The following GULP1 variants were observed in gnomAD, a reference collection of about 807,000 sequenced individuals.
GULP1 encodes GULP PTB domain containing engulfment adaptor 1.
Under a neutral mutation model 40.9 loss-of-function variants are expected in GULP1, and 19 were observed. The ratio of observed to expected loss-of-function variants is 0.46; its 90% CI spans 0.32 to 0.68. The LOEUF is 0.68. Among genes scored for constraint, GULP1 ranks in the 30% least tolerant of loss-of-function variants. The pLI is 0.03. For missense variants in GULP1, 312 were observed against 362.2 expected, an observed-to-expected ratio of 0.86 and a Z score of 1.12; for synonymous variants, 119 against 117.6, an observed-to-expected ratio of 1.01 and a Z score of -0.08.
rs1022916274 is a variant in GULP1 at position 188,532,118 on chromosome 2, C to T, written c.261+2923C>T. ...GATAATATACTTTATGTATCATTTT[C>T]GTATGTTCTTGTTATTTTTTATTTG... On this transcript the variant is annotated intron_variant, in intron 6 of 11. Transcript: ENST00000409830. 1.1e-4 allele frequency among the ~76,000 whole-genome samples: 16 copies of T among 152,152 alleles called. No homozygotes were observed. The South Asian group carries it at 2.3e-3, about 22-fold the overall frequency.
chr2:188,563,831 A>G (rs927386456), intron 7 of GULP1, among the ~76,000 whole-genome samples: 8 of 152,124 alleles, frequency 5.3e-5, no homozygotes, highest in Non-Finnish European at 7.4e-5. Context: ...ACAAAAAATG[A>G]AAATTATGTT....
chr2:188,510,996 C>G (rs975352404), intron 4 of GULP1, among the ~76,000 whole-genome samples: 2 of 151,934 alleles, frequency 1.3e-5, no homozygotes, highest in Non-Finnish European at 2.9e-5. Context: ...ATTTTTATTT[C>G]TAAGCATAAA....
chr2:188,449,552 A>G (rs1026931749), intron 2 of GULP1, among the ~76,000 whole-genome samples: 1 of 152,208 alleles, frequency 6.6e-6, no homozygotes, highest in Non-Finnish European at 1.5e-5. Context: ...CAGGATACAG[A>G]TGGCATGAGC....
intron 1 of GULP1, among the ~76,000 whole-genome samples, chr2:188,347,436 A>G (rs766085503): frequency 5.3e-5 from 8 of 152,168 alleles, no homozygotes; most frequent in Non-Finnish European, 1.2e-4. Context: ...TAAAACTTCT[A>G]ATAAAAATAA....
intron 9 of GULP1, among the ~76,000 whole-genome samples, chr2:188,572,117 G>A (rs1042447611): frequency 6.6e-6 from 1 of 152,204 alleles, no homozygotes; most frequent in African/African-American, 2.4e-5. Flanking sequence ...TACTGAGTCA[G>A]CTTCAGAAAT....
chr2:188,404,259 C>A (rs897317989), intron 2 of GULP1, among the ~76,000 whole-genome samples: 8 of 152,260 alleles, frequency 5.3e-5, no homozygotes, highest in East Asian at 1.9e-4. Context: ...CTTGCTCCCC[C>A]ACTGAAATAA....
intron 1 of GULP1, among the ~76,000 whole-genome samples, chr2:188,324,980 T>A (rs1464085128): frequency 1.3e-5 from 2 of 151,910 alleles, no homozygotes; most frequent in African/African-American, 4.8e-5. Flanking sequence ...ACACAAGTAG[T>A]CTCATTATAG....
intron 5 of GULP1, among the ~76,000 whole-genome samples, chr2:188,525,707 G>C (rs1260833445): frequency 1.3e-5 from 2 of 152,168 alleles, no homozygotes; most frequent in African/African-American, 4.8e-5. Context: ...CCTCACTGCA[G>C]TACAACTAAA....
chr2:188,526,249 T>C (rs186606248), intron 5 of GULP1, among the ~76,000 whole-genome samples: 2 of 152,308 alleles, frequency 1.3e-5, no homozygotes, highest in Non-Finnish European at 2.9e-5. Context: ...GTTATATTTG[T>C]TTGTTGCATC....
At chr2:188,340,803 C>T (rs1490318279) in intron 1 of GULP1, among the ~76,000 whole-genome samples, 4 of 152,044 alleles carry the variant, frequency 2.6e-5, no homozygotes, top group Non-Finnish European at 5.9e-5. Context: ...GGAGGTGGCA[C>T]TCAGTGGGAA....
intron 2 of GULP1, among the ~76,000 whole-genome samples, chr2:188,452,735 A>C (rs1250668729): frequency 6.6e-6 from 1 of 152,214 alleles, no homozygotes; most frequent in Non-Finnish European, 1.5e-5. Context: ...ACTACATGAC[A>C]AGGATCGAGT....
chr2:188,519,951 A>C (rs2065571982), intron 4 of GULP1, among the ~76,000 whole-genome samples: 1 of 152,156 alleles, frequency 6.6e-6, no homozygotes, highest in Admixed American at 6.5e-5. Context: ...TATCGTAACC[A>C]CTGCACCTGG....
At chr2:188,329,144 CTT>C (rs75423691) in intron 1 of GULP1, among the ~76,000 whole-genome samples, 2 of 147,010 alleles carry the variant, frequency 1.4e-5, no homozygotes, top group African/African-American at 2.5e-5. Context: ...CTATTGGACT[CTT>C]TTTTTTTTTG....
intron 2 of GULP1, among the ~76,000 whole-genome samples, chr2:188,401,497 G>A (rs1347320156): frequency 1.3e-5 from 2 of 151,930 alleles, no homozygotes; most frequent in Non-Finnish European, 2.9e-5. Context: ...TAAGTTGTTA[G>A]CACATATAAT....
intron 2 of GULP1, among the ~76,000 whole-genome samples, chr2:188,396,471 C>T (rs2051289938): frequency 6.6e-6 from 1 of 152,234 alleles, no homozygotes. Flanking sequence ...GTATGTTCCA[C>T]TCAGCTCCCC....
chr2:188,313,144 T>C lies in GULP1; in HGVS notation c.-172+20978T>C, dbSNP rs894110803. ...TTTAATTAGATCCCATTTGTCAATT[T>C]TGGCTTTTGTTGCAATTGCTTTTGA... is the stretch of plus-strand genomic sequence containing the variant. On this transcript the variant is annotated intron_variant, in intron 1 of 11. Coordinates refer to ENST00000409830, the MANE Select transcript of GULP1 (RefSeq NM_016315.4). Among the ~76,000 whole-genome samples, 5 of 152,320 alleles carry C rather than the reference T, an allele frequency of 3.3e-5. No homozygotes were observed. The East Asian group carries it at 9.6e-4, about 29-fold the overall frequency.
intron 1 of GULP1, among the ~76,000 whole-genome samples, chr2:188,356,962 GAC>G (rs1338456542): frequency 6.6e-6 from 1 of 152,104 alleles, no homozygotes; most frequent in African/African-American, 2.4e-5. Context: ...TTGTAGAAGT[GAC>G]AGTCTCTTCA....
chr2:188,579,922 A>G (rs1700918665), intron 9 of GULP1, among the ~76,000 whole-genome samples: 1 of 152,164 alleles, frequency 6.6e-6, no homozygotes, highest in African/African-American at 2.4e-5. Flanking sequence ...TAAAAAATAT[A>G]GAGTATTACC....
At chr2:188,296,066 A>G (rs2034852991) in intron 1 of GULP1, among the ~76,000 whole-genome samples, 1 of 152,156 alleles carries the variant, frequency 6.6e-6, no homozygotes, top group South Asian at 2.1e-4. Flanking sequence ...AGATAGTTAC[A>G]GAAGCTAACT....
Sources: allele counts gnomAD v4.1 joint callset (sites outside exome capture counted in the v4.1 genomes callset), GRCh38; gene constraint gnomAD v4.1.1; transcripts MANE v1.5; gene names NCBI Gene and HGNC (gene_info 2026-07-23, HGNC 2026-07-21).